Variants in UGT2B4 observed in about 807,000 individuals in gnomAD.
UGT2B4 encodes the protein UDP-glucuronosyltransferase 2B4.
UGT2B4 carries 49 observed loss-of-function variants against 49.8 expected under a neutral mutation model. The ratio of observed to expected loss-of-function variants is 0.98; its 90% CI spans 0.78 to 1.25. The LOEUF is 1.25. Among genes scored for constraint, UGT2B4 ranks in the 50% most tolerant of loss-of-function variants. The probability of loss-of-function intolerance (pLI) is 0.00; values close to 1 mark genes in which losing one functional copy is unlikely to be tolerated. For synonymous variants in UGT2B4, 246 were observed against 217.7 expected, an observed-to-expected ratio of 1.13 and a Z score of -1.14; for missense variants, 729 against 627.7, an observed-to-expected ratio of 1.16 and a Z score of -1.73.
In UGT2B4 at chr4:69,489,584, G is replaced by T; in HGVS notation, c.871-14C>A. Reference sequence around the variant, plus strand: ...CTCTTCCATTTCCTGTGAAAAAAAAGAATTTGTTCTATCATAATAGATTAT... The same window carrying T: ...CTCTTCCATTTCCTGTGAAAAAAAATAATTTGTTCTATCATAATAGATTAT... On this transcript the variant is annotated splice_polypyrimidine_tract_variant and intron_variant, in intron 2 of 5. Coordinates refer to ENST00000305107, the MANE Select transcript of UGT2B4 (RefSeq NM_021139.3). 6.3e-7 allele frequency: 1 copy of T among 1,598,286 alleles called. No individual in the cohort carries two copies. Among genetic ancestry groups the T allele is most frequent in the Non-Finnish European group, 8.5e-7 (1 of 1,173,796 alleles).
chr4:69,509,872 CTGTT>C (rs1200234792), intron 1 of UGT2B4, among the ~76,000 whole-genome samples: 1 of 151,724 alleles, frequency 6.6e-6, no homozygotes, highest in African/African-American at 2.4e-5. Flanking sequence ...ACAATTCCAC[CTGTT>C]TGTATTTGCT....
At chr4:69,493,920 A>T (rs1194806313) in intron 1 of UGT2B4, 79 bp from the exon 2 acceptor site, 1 of 1,497,306 alleles carries the variant, frequency 6.7e-7, no homozygotes, top group Non-Finnish European at 8.9e-7. Flanking sequence ...AGTTAGAATA[A>T]TGTGGGCAAA....
chr4:69,506,000 A>C (rs1728457856), intron 1 of UGT2B4, among the ~76,000 whole-genome samples: 1 of 152,208 alleles, frequency 6.6e-6, no homozygotes, highest in South Asian at 2.1e-4. Flanking sequence ...AAATTAAGAC[A>C]GAAATCAAGA....
At chr4:69,489,339 A>G (rs1727908231) in intron 3 of UGT2B4, 100 bp downstream of exon 3, 1 of 1,488,994 alleles carries the variant, frequency 6.7e-7, no homozygotes, top group South Asian at 1.2e-5. Context: ...CTTTCCCAAC[A>G]GCTGAATATA....
intron 1 of UGT2B4, among the ~76,000 whole-genome samples, chr4:69,521,826 C>A (rs563594618): frequency 1.6e-3 from 242 of 152,278 alleles, no homozygotes; most frequent in African/African-American, 5.5e-3. Context: ...AACATGATCA[C>A]CTTAAATTCT....
upstream of UGT2B4, among the ~76,000 whole-genome samples, chr4:69,497,882 G>T (rs1200182686): frequency 6.6e-6 from 1 of 152,184 alleles, no homozygotes; most frequent in Non-Finnish European, 1.5e-5. Flanking sequence ...TGAAAAGAAG[G>T]GTTAGTGGAT....
In UGT2B4 at chr4:69,495,314, T is replaced by A. The variant is rs202207139; in HGVS notation, c.548A>T (p.His183Leu). Residue 183 changes from histidine to leucine, a missense_variant, in exon 1 of 6, where the codon CAT (histidine) becomes CTT (leucine). Coordinates refer to ENST00000305107, the MANE Select transcript of UGT2B4 (RefSeq NM_021139.3). ...RFSPGYAIEK[H>L]SGGLLFPPSY... is the part of the protein sequence containing the mutation. ...AGGAGGGAACAGAAGTCCTCCACTA[T>A]GCTTTTCAATTGCGTAGCCAGGAGA... The A allele has an allele frequency of 5.0e-6, 8 of 1,613,044 alleles. No individual in the cohort carries two copies. The East Asian group carries it at 1.8e-4, about 36-fold the overall frequency.
intron 1 of UGT2B4, among the ~76,000 whole-genome samples, chr4:69,520,905 C>A (rs11725398): frequency 0.35 from 53,444 of 151,980 alleles, 9,490 homozygotes; most frequent in Non-Finnish European, 0.37. Flanking sequence ...AGCCTAGGGG[C>A]TGATATGTCA....
rs1325749885 is a variant in UGT2B4 at position 69,495,786 on chromosome 4, C to T, written c.76G>A (p.Val26Met). The T allele has an allele frequency of 3.7e-6, 6 of 1,613,794 alleles. No homozygotes were observed. Among genetic ancestry groups the T allele is most frequent in the Middle Eastern group, 3.3e-4 (2 of 6,056 alleles). ...CYFSSGSCGK[V>M]LVWPTEFSHW... The stretch of plus-strand genomic sequence containing the variant: ...CTGAATTCTGTGGGCCACACCAGCA[C>T]CTTTCCACAACTCCCAGAGCTAAAG... The change falls in exon 1 of 6, where the codon GTG becomes ATG. Residue 26 changes from valine to methionine, a missense_variant. Transcript: ENST00000305107.
Position 69,495,642 on chromosome 4 carries a change from A to G in UGT2B4, c.220T>C (p.Phe74Leu), listed in dbSNP as rs772834270. ...GTTAAAGATACAGGATAAACTTCAA[A>G]TTTAAGAGTAGATGGGCTGTTGGGA... ...FDPNSPSTLK[F>L]EVYPVSLTKT... Residue 74 changes from phenylalanine (F) to leucine (L), a missense_variant, in exon 1 of 6, where the codon TTT becomes CTT. Phe to Leu is a conservative substitution (Grantham distance 22). Transcript: ENST00000305107. The G allele has an allele frequency of 2.4e-5, 39 of 1,613,906 alleles. No individual in the cohort carries two copies. The highest frequency in any genetic ancestry group is 5.5e-5 in the South Asian group (5 of 91,076).
intron 1 of UGT2B4, among the ~76,000 whole-genome samples, chr4:69,494,434 A>T (rs1728083550): frequency 6.6e-6 from 1 of 152,182 alleles, no homozygotes; most frequent in African/African-American, 2.4e-5. Context: ...GAACTTGTTG[A>T]AACAGAAATT....
At chr4:69,524,864 G>A (rs1728937610) in intron 1 of UGT2B4, among the ~76,000 whole-genome samples, 1 of 152,162 alleles carries the variant, frequency 6.6e-6, no homozygotes, top group Non-Finnish European at 1.5e-5. Context: ...AGAAAAAGCT[G>A]GTGTGACAGA....
At position 69,485,286 on chromosome 4, in the gene UGT2B4, G is replaced by A. The variant is rs766278902; in HGVS notation, c.1232C>T (p.Ala411Val). ...TGTGTGGAAGTCCAAACTAACAGCT[G>A]CTCCCTTGGCCTTCATGTGTGCAAT... is the stretch of plus-strand genomic sequence containing the variant. ...DNIAHMKAKG[A>V]AVSLDFHTMS... is the part of the protein sequence containing the mutation. Residue 411 changes from alanine (A) to valine (V), a missense_variant, in exon 5 of 6, where the codon GCA becomes GTA. Physicochemically the swap from Ala to Val is moderately conservative, Grantham distance 64. Coordinates refer to ENST00000305107, the MANE Select transcript of UGT2B4 (RefSeq NM_021139.3). 3.1e-5 allele frequency: 50 copies of A among 1,613,858 alleles called. No homozygotes were observed. The highest frequency in any genetic ancestry group is 4.1e-5 in the Non-Finnish European group (48 of 1,179,960).
At chr4:69,515,864 G>A (rs1365800084) in intron 1 of UGT2B4, among the ~76,000 whole-genome samples, 1 of 151,914 alleles carries the variant, frequency 6.6e-6, no homozygotes, top group African/African-American at 2.4e-5. Context: ...TTAAAACACA[G>A]GGTACATGTG....
At chr4:69,495,006 A>G in intron 1 of UGT2B4, 135 bp downstream of exon 1, 3 of 815,338 alleles carry the variant, frequency 3.7e-6, no homozygotes, top group Non-Finnish European at 3.5e-6. Context: ...AGTTTGGTAG[A>G]TCATCTTACA....
intron 3 of UGT2B4, 93 bp from the exon 4 acceptor site, chr4:69,486,789 A>C: frequency 2.2e-6 from 2 of 927,756 alleles, no homozygotes; most frequent in Admixed American, 2.5e-5. Flanking sequence ...GAGAAGAACA[A>C]GGGATGTTAA....
intron 1 of UGT2B4, among the ~76,000 whole-genome samples, chr4:69,507,006 C>G (rs764504549): frequency 6.6e-6 from 1 of 151,992 alleles, no homozygotes; most frequent in Non-Finnish European, 1.5e-5. Context: ...CAGAAGAGGC[C>G]TTCGATAAAA....
At chr4:69,490,746 A>AT (rs1184424908) in intron 2 of UGT2B4, among the ~76,000 whole-genome samples, 1 of 152,132 alleles carries the variant, frequency 6.6e-6, no homozygotes, top group Non-Finnish European at 1.5e-5. Context: ...AGTGTTAATG[A>AT]TGTTAGAGTC....
At chr4:69,497,213 T>C (rs1183096858), upstream of UGT2B4, among the ~76,000 whole-genome samples, 2 of 152,214 alleles carry the variant, frequency 1.3e-5, no homozygotes, top group Admixed American at 6.5e-5. Context: ...ACCTCCCTGA[T>C]GCCAGCTGCT....
Sources: gnomAD v4.1 joint callset for allele counts (sites outside exome capture counted in the v4.1 genomes callset) on GRCh38, gnomAD v4.1.1 for gene constraint, MANE v1.5 for transcripts, NCBI Gene and HGNC (gene_info 2026-07-23, HGNC 2026-07-21) for gene names.